The following DNASE1 variants were observed in gnomAD, a reference collection of about 807,000 sequenced individuals.
DNASE1 encodes the protein deoxyribonuclease 1.
A neutral mutation model predicts 33.9 loss-of-function variants in DNASE1; 40 were observed. That is an observed-to-expected ratio of 1.18 (90% CI 0.92 to 1.54). The LOEUF is 1.54. Ranked by LOEUF, DNASE1 falls within the 40% of genes most tolerant of loss-of-function variation. The pLI is 0.00. For synonymous variants in DNASE1, 216 were observed against 160.0 expected, an observed-to-expected ratio of 1.35 and a Z score of -2.64; for missense variants, 518 against 372.6, an observed-to-expected ratio of 1.39 and a Z score of -3.21.
chr16:3,640,994 G>A, upstream of DNASE1: 1 of 398,770 alleles, frequency 2.5e-6, no homozygotes, highest in Admixed American at 4.4e-5. Context: ...GCCCAACAGG[G>A]CCACTCGGAT....
downstream of DNASE1, chr16:3,658,243 A>G: frequency 6.2e-7 from 1 of 1,607,568 alleles, no homozygotes; most frequent in Non-Finnish European, 8.5e-7. Context: ...GAAAGGCAAG[A>G]GGAGAAACCC....
At chr16:3,612,120 T>A (rs578059531) in intron 1 of DNASE1, 1 of 152,568 alleles carries the variant, frequency 6.6e-6, no homozygotes, top group African/African-American at 2.4e-5. Flanking sequence ...TCCGCAGGGC[T>A]AGGGTGAAGC....
upstream of DNASE1, among the ~76,000 whole-genome samples, chr16:3,640,378 C>T (rs2041997733): frequency 6.6e-6 from 1 of 152,250 alleles, no homozygotes; most frequent in African/African-American, 2.4e-5. Context: ...TGAACTCTGT[C>T]TTCCCAACTC....
rs1254307244 is a variant in DNASE1 at position 3,657,172 on chromosome 16, A to G, written c.550-15A>G. Reference sequence around the variant, plus strand: ...CTCCGCATGTCCCAGGGCCACAGGCAGCGTTTCCTGGTAGGACGTCATGTT... The same window carrying G: ...CTCCGCATGTCCCAGGGCCACAGGCGGCGTTTCCTGGTAGGACGTCATGTT... On this transcript the variant is annotated splice_polypyrimidine_tract_variant and intron_variant, in intron 6 of 8. Transcript: ENST00000246949. The G allele has an allele frequency of 6.2e-7, 1 of 1,614,096 alleles. No homozygotes were observed. The highest frequency in any genetic ancestry group is 8.5e-7 in the Non-Finnish European group (1 of 1,180,006).
upstream of DNASE1, among the ~76,000 whole-genome samples, chr16:3,638,626 C>T (rs1237484630): frequency 6.6e-6 from 1 of 152,230 alleles, no homozygotes; most frequent in East Asian, 1.9e-4. Context: ...GCGTGAGCCA[C>T]CACGCCCGGC....
chr16:3,664,269 C>T (rs7193381), exon 10 of DNASE1: 1 of 1,578,576 alleles, frequency 6.3e-7, no homozygotes, highest in African/African-American at 1.4e-5. Context: ...CCACCGCTCA[C>T]CCACCTCTGT....
intron 1 of DNASE1, among the ~76,000 whole-genome samples, chr16:3,625,888 C>A (rs1444342255): frequency 6.6e-6 from 1 of 152,154 alleles, no homozygotes; most frequent in Non-Finnish European, 1.5e-5. Context: ...TCGCTTTAGC[C>A]CAGGAGTTTG....
intron 1 of DNASE1, among the ~76,000 whole-genome samples, chr16:3,628,715 C>T (rs1291280754): frequency 6.6e-6 from 1 of 151,374 alleles, no homozygotes; most frequent in Non-Finnish European, 1.5e-5. Context: ...CCCGCCACCA[C>T]GCCCGGCTAA....
chr16:3,631,247 G>T (rs558943567), intron 1 of DNASE1, among the ~76,000 whole-genome samples: 23 of 151,990 alleles, frequency 1.5e-4, no homozygotes, highest in African/African-American at 5.3e-4. Context: ...CTGTTGCCCA[G>T]ACTGGAGTGC....
At chr16:3,662,998 G>T, downstream of DNASE1, 2 of 1,551,366 alleles carry the variant, frequency 1.3e-6, no homozygotes, top group Non-Finnish European at 1.7e-6. Flanking sequence ...GGGAGCTCAG[G>T]CCTGCATCCC....
At chr16:3,660,061 A>G (rs997548553), downstream of DNASE1, 2 of 152,184 alleles carry the variant, frequency 1.3e-5, no homozygotes, top group Non-Finnish European at 2.9e-5. Context: ...ACATCCTCAC[A>G]TTTCTAGTCT....
chr16:3,629,899 T>C (rs111312639), intron 1 of DNASE1, among the ~76,000 whole-genome samples: 9,553 of 152,254 alleles, frequency 0.063, 322 homozygotes, highest in Admixed American at 0.076. Flanking sequence ...CTGCAACCTC[T>C]GCTTCCTGGG....
intron 1 of DNASE1, among the ~76,000 whole-genome samples, chr16:3,629,827 T>G (rs1362049865): frequency 6.6e-6 from 1 of 152,186 alleles, no homozygotes; most frequent in Non-Finnish European, 1.5e-5. Flanking sequence ...TGTTTTTTTG[T>G]TTTTAAAACA....
upstream of DNASE1, chr16:3,652,019 A>G (rs527281316): frequency 6.6e-6 from 1 of 152,556 alleles, no homozygotes; most frequent in East Asian, 1.9e-4. Flanking sequence ...ATGTCAGACC[A>G]GGCTCCTCCA....
chr16:3,613,866 G>C (rs1374761713), intron 1 of DNASE1, among the ~76,000 whole-genome samples: 3 of 151,572 alleles, frequency 2.0e-5, no homozygotes, highest in African/African-American at 7.3e-5. Context: ...CTCAGCCTCC[G>C]GAGTAGCTGG....
intron 1 of DNASE1, among the ~76,000 whole-genome samples, chr16:3,624,237 C>G (rs997077698): frequency 1.3e-5 from 2 of 151,118 alleles, no homozygotes; most frequent in African/African-American, 4.9e-5. Context: ...CCACTGCATT[C>G]CAGCCTGGGC....
At chr16:3,619,213 T>C (rs973153657) in intron 1 of DNASE1, among the ~76,000 whole-genome samples, 1 of 151,882 alleles carries the variant, frequency 6.6e-6, no homozygotes, top group Admixed American at 6.6e-5. Flanking sequence ...TTTTTGTATT[T>C]TTAGTAGAGA....
At chr16:3,663,256 C>T in exon 10 of DNASE1, 1 of 876,830 alleles carries the variant, frequency 1.1e-6, no homozygotes, top group Non-Finnish European at 1.7e-6. Flanking sequence ...ATATCTAAAC[C>T]AGGAGGCACC....
downstream of DNASE1, chr16:3,662,633 G>A: frequency 1.5e-6 from 1 of 669,084 alleles, no homozygotes; most frequent in Non-Finnish European, 2.7e-6. Context: ...CACTCAGGAT[G>A]CTGGTTTTTC....
Sources: allele counts gnomAD v4.1 joint callset (sites outside exome capture counted in the v4.1 genomes callset), GRCh38; gene constraint gnomAD v4.1.1; transcripts MANE v1.5; gene names NCBI Gene and HGNC (gene_info 2026-07-23, HGNC 2026-07-21).